Variants in MCC observed in about 807,000 individuals in gnomAD.
MCC encodes the protein colorectal mutant cancer protein.
MCC carries 90 observed loss-of-function variants against 116.2 expected under a neutral mutation model. The ratio of observed to expected loss-of-function variants is 0.77; its 90% CI spans 0.65 to 0.92. The LOEUF (loss-of-function observed/expected upper bound fraction) is 0.92, where lower values mean the gene tolerates loss of function less well. MCC is among the 40% of genes least tolerant of loss of function. MCC has a pLI of 0.00. For missense variants in MCC, 1,516 were observed against 1,312.2 expected (o/e 1.16, Z -2.40); for synonymous variants, 578 against 510.5 (o/e 1.13, Z -1.78).
intron 3 of MCC, among the ~76,000 whole-genome samples, chr5:113,174,355 G>C (rs1430107854): frequency 6.6e-6 from 1 of 152,132 alleles, no homozygotes; most frequent in Non-Finnish European, 1.5e-5. Flanking sequence ...TGCTGGTATG[G>C]ATCACCTGCA....
intron 2 of MCC, among the ~76,000 whole-genome samples, chr5:113,377,452 T>C (rs888793885): frequency 6.6e-6 from 1 of 151,778 alleles, no homozygotes; most frequent in African/African-American, 2.4e-5. Context: ...GTCAATTAAG[T>C]AGATAAAAGA....
In MCC at chr5:113,027,379, C is replaced by T. The variant is rs756203385; in HGVS notation, c.2983G>A (p.Val995Met). 6.2e-7 allele frequency: 1 copy of T among 1,614,070 alleles called. No individual in the cohort carries two copies. Among genetic ancestry groups the T allele is most frequent in the African/African-American group, 1.3e-5 (1 of 74,926 alleles). The change falls in exon 19 of 19, where the codon GTG becomes ATG. Residue 995 changes from valine (V) to methionine (M), a missense_variant. Val to Met is a conservative substitution (Grantham distance 21, BLOSUM62 1). Transcript: ENST00000408903. Reference sequence around the variant, plus strand: ...GCTATTCTTTGCTTGAGCATCCTCACTTGGGTCTCATGTCTCTCCACCATG... The same window carrying T: ...GCTATTCTTTGCTTGAGCATCCTCATTTGGGTCTCATGTCTCTCCACCATG... ...MAMVERHETQ[V>M]RMLKQRIALL...
At chr5:113,259,645 C>T (rs537062250) in intron 3 of MCC, among the ~76,000 whole-genome samples, 22 of 152,180 alleles carry the variant, frequency 1.4e-4, no homozygotes, top group African/African-American at 4.6e-4. Flanking sequence ...AGGAGAAGCA[C>T]GTGGCCATTA....
intron 3 of MCC, among the ~76,000 whole-genome samples, chr5:113,204,138 A>C (rs1370471437): frequency 6.6e-6 from 1 of 152,192 alleles, no homozygotes; most frequent in African/African-American, 2.4e-5. Flanking sequence ...GGGAGTAACT[A>C]CATCTGTGCC....
chr5:113,444,554 T>C (rs530259427), intron 1 of MCC, among the ~76,000 whole-genome samples: 6 of 152,358 alleles, frequency 3.9e-5, no homozygotes, highest in African/African-American at 1.4e-4. Context: ...CTAAACTATA[T>C]AGCCTTGAGA....
chr5:113,390,591 T>C (rs1446149126), intron 1 of MCC, among the ~76,000 whole-genome samples: 1 of 152,200 alleles, frequency 6.6e-6, no homozygotes, highest in Non-Finnish European at 1.5e-5. Flanking sequence ...AGAAATTGAG[T>C]ATGAAGTGAA....
intron 3 of MCC, among the ~76,000 whole-genome samples, chr5:113,184,302 C>A (rs1443456054): frequency 1.3e-5 from 2 of 152,142 alleles, no homozygotes; most frequent in African/African-American, 4.8e-5. Context: ...TTGCCACCTA[C>A]CCTCCCTGAA....
intron 1 of MCC, among the ~76,000 whole-genome samples, chr5:113,458,146 C>T (rs111974768): frequency 0.041 from 6,298 of 152,252 alleles, 193 homozygotes; most frequent in Non-Finnish European, 0.062. Flanking sequence ...CAACCCACTA[C>T]GGTCCCCTTC....
intron 3 of MCC, among the ~76,000 whole-genome samples, chr5:113,257,901 C>T (rs34766128): frequency 6.6e-6 from 1 of 151,958 alleles, no homozygotes; most frequent in Admixed American, 6.6e-5. Context: ...TCTTCCATTA[C>T]GGGAGGGAGG....
chr5:113,373,096 G>T (rs895334274), intron 2 of MCC, among the ~76,000 whole-genome samples: 4 of 151,732 alleles, frequency 2.6e-5, no homozygotes, highest in Admixed American at 2.6e-4. Flanking sequence ...GGAGAATGGC[G>T]TGAACCCGAG....
chr5:113,155,420 T>C (rs566419425), intron 3 of MCC, among the ~76,000 whole-genome samples: 6 of 152,336 alleles, frequency 3.9e-5, no homozygotes, highest in African/African-American at 1.4e-4. Context: ...GATTGGATCA[T>C]ATGGTAGTTC....
chr5:113,469,470 A>G (rs1772015431), intron 1 of MCC, among the ~76,000 whole-genome samples: 1 of 152,094 alleles, frequency 6.6e-6, no homozygotes, highest in African/African-American at 2.4e-5. Flanking sequence ...CAGGTTGTTC[A>G]GTTTCCATGT....
At chr5:113,467,243 A>G (rs199679484) in intron 1 of MCC, among the ~76,000 whole-genome samples, 1 of 151,160 alleles carries the variant, frequency 6.6e-6, no homozygotes, top group South Asian at 2.1e-4. Context: ...GGTGTTTTAG[A>G]CATGAAGTCC....
At chr5:113,270,677 A>G (rs1298389724) in intron 3 of MCC, among the ~76,000 whole-genome samples, 5 of 147,332 alleles carry the variant, frequency 3.4e-5, no homozygotes, top group Non-Finnish European at 6.0e-5. Flanking sequence ...TACTAGATGA[A>G]GCAAAGAATA....
intron 5 of MCC, among the ~76,000 whole-genome samples, chr5:113,125,622 A>C (rs964506242): frequency 6.6e-6 from 1 of 152,190 alleles, no homozygotes; most frequent in Non-Finnish European, 1.5e-5. Context: ...AACTAACTCG[A>C]TTTATGATTG....
At chr5:113,070,885 A>G (rs1433546028) in intron 12 of MCC, among the ~76,000 whole-genome samples, 4 of 152,242 alleles carry the variant, frequency 2.6e-5, no homozygotes, top group Non-Finnish European at 4.4e-5. Flanking sequence ...ATGAAATGAT[A>G]TTTAAGATGA....
intron 3 of MCC, among the ~76,000 whole-genome samples, chr5:113,162,637 C>T (rs1022641402): frequency 1.5e-4 from 23 of 152,128 alleles, no homozygotes; most frequent in Non-Finnish European, 1.9e-4. Context: ...GTTGGGACCA[C>T]AGTCAGGCAC....
At chr5:113,225,075 T>C (rs373125719) in intron 3 of MCC, among the ~76,000 whole-genome samples, 29 of 152,328 alleles carry the variant, frequency 1.9e-4, no homozygotes, top group African/African-American at 6.7e-4. Context: ...GTCTGTGTAA[T>C]ACTTTATTTA....
intron 8 of MCC, among the ~76,000 whole-genome samples, chr5:113,097,839 TG>T (rs1342736273): frequency 6.6e-6 from 1 of 152,156 alleles, no homozygotes; most frequent in East Asian, 1.9e-4. Context: ...GACTTTTATT[TG>T]GTTCAAAATA....
Sources: gnomAD v4.1 joint callset for allele counts (sites outside exome capture counted in the v4.1 genomes callset) on GRCh38, gnomAD v4.1.1 for gene constraint, MANE v1.5 for transcripts, NCBI Gene and HGNC (gene_info 2026-07-23, HGNC 2026-07-21) for gene names.